The following MRM3 variants were observed in gnomAD, a reference collection of about 807,000 sequenced individuals.
MRM3 encodes the protein rRNA methyltransferase 3, mitochondrial.
Under a neutral mutation model 29.4 loss-of-function variants are expected in MRM3, and 26 were observed. That is an observed-to-expected ratio of 0.89 (90% confidence interval 0.65 to 1.23). The LOEUF (loss-of-function observed/expected upper bound fraction) is 1.23, where lower values mean the gene tolerates loss of function less well. Among genes scored for constraint, MRM3 ranks in the 50% most tolerant of loss-of-function variants. MRM3 has a pLI of 0.00. For missense variants in MRM3, 578 were observed against 540.2 expected (o/e 1.07, Z -0.69); for synonymous variants, 225 against 219.0 (o/e 1.03, Z -0.24).
rs529644382 is a variant in MRM3 at position 788,182 on chromosome 17, C to T, written c.727+50C>T. On this transcript the variant is annotated intron_variant, in intron 3 of 3. Transcript: ENST00000304478. Reference sequence around the variant, plus strand: ...AGTGGCTCACACTCGTAATCCAGCCCTTTGGGAGGCCGAGGCAGGAGGGTC... The same window carrying T: ...AGTGGCTCACACTCGTAATCCAGCCTTTTGGGAGGCCGAGGCAGGAGGGTC... 27 of 1,592,502 alleles carry T rather than the reference C, an allele frequency of 1.7e-5. No homozygotes were observed. The African/African-American group carries it at 2.8e-4, about 17-fold the overall frequency.
Position 791,998 on chromosome 17 carries a change from C to G in MRM3, c.1192C>G (p.Leu398Val). ...SLNSAMAASI[L>V]LFEGKRQLRG... ...CAACTCGGCCATGGCGGCAAGCATCCTGCTTTTCGAAGGGAAAAGACAGCT... is the reference window on the plus strand; with the variant it reads ...CAACTCGGCCATGGCGGCAAGCATCGTGCTTTTCGAAGGGAAAAGACAGCT... The change falls in exon 4 of 4, where the codon CTG becomes GTG. Residue 398 changes from leucine (L) to valine (V), a missense_variant. Physicochemically the swap from Leu to Val is conservative, Grantham distance 32. Transcript: ENST00000304478. 6 of 1,613,926 alleles carry G rather than the reference C, an allele frequency of 3.7e-6. No individual in the cohort carries two copies. The highest frequency in any genetic ancestry group is 5.1e-6 in the Non-Finnish European group (6 of 1,180,014).
chr17:785,192 A>G (rs1319767849), intron 2 of MRM3, among the ~76,000 whole-genome samples: 9 of 152,160 alleles, frequency 5.9e-5, no homozygotes, highest in Admixed American at 1.3e-4. Context: ...AAAGGTTATC[A>G]TTATCACCTC....
chr17:782,939 C>T (rs1910231855), intron 1 of MRM3, 144 bp from the exon 2 acceptor site: 1 of 1,229,952 alleles, frequency 8.1e-7, no homozygotes. Context: ...CCGCCCGCCT[C>T]GGCCTCCCAA....
At chr17:785,418 G>T (rs1049979096) in intron 2 of MRM3, among the ~76,000 whole-genome samples, 1 of 152,050 alleles carries the variant, frequency 6.6e-6, no homozygotes, top group Non-Finnish European at 1.5e-5. Flanking sequence ...ATTATATAAT[G>T]TATATATAAT....
intron 2 of MRM3, among the ~76,000 whole-genome samples, chr17:786,646 T>C (rs1396356359): frequency 6.6e-6 from 1 of 151,974 alleles, no homozygotes; most frequent in Non-Finnish European, 1.5e-5. Context: ...CCTGACCTTG[T>C]GATCCGCCCA....
At chr17:789,919 C>A (rs1027985408) in intron 3 of MRM3, 1 of 152,220 alleles carries the variant, frequency 6.6e-6, no homozygotes, top group Non-Finnish European at 1.5e-5. Flanking sequence ...TTCCCTTCTC[C>A]CCTCCAGGCA....
chr17:786,017 C>T (rs1910514883), intron 2 of MRM3, among the ~76,000 whole-genome samples: 1 of 152,192 alleles, frequency 6.6e-6, no homozygotes, highest in South Asian at 2.1e-4. Flanking sequence ...TAATGGCATG[C>T]TGTTTTTTCT....
At chr17:789,147 A>G (rs1031428671) in intron 3 of MRM3, among the ~76,000 whole-genome samples, 2 of 152,216 alleles carry the variant, frequency 1.3e-5, no homozygotes, top group East Asian at 1.9e-4. Flanking sequence ...TTTTAAAATT[A>G]TCATGAAACC....
chr17:786,367 G>A (rs1457528367), intron 2 of MRM3, among the ~76,000 whole-genome samples: 4 of 152,204 alleles, frequency 2.6e-5, no homozygotes, highest in Non-Finnish European at 2.9e-5. Flanking sequence ...TCCGCCTCCC[G>A]GGTTCACACC....
intron 2 of MRM3, among the ~76,000 whole-genome samples, chr17:786,966 G>A (rs1910562276): frequency 6.6e-6 from 1 of 152,160 alleles, no homozygotes; most frequent in African/African-American, 2.4e-5. Context: ...ATAGAGGCTG[G>A]GCATGGTGGC....
intron 2 of MRM3, among the ~76,000 whole-genome samples, chr17:786,972 G>C (rs1217976749): frequency 1.3e-5 from 2 of 152,136 alleles, no homozygotes; most frequent in African/African-American, 4.8e-5. Flanking sequence ...GCTGGGCATG[G>C]TGGCTCACAA....
chr17:790,158 T>C (rs1910723672), intron 3 of MRM3: 1 of 152,026 alleles, frequency 6.6e-6, no homozygotes, highest in African/African-American at 2.4e-5. Context: ...CGGGGGAGGG[T>C]GGGAGGCCAT....
In MRM3 at chr17:782,587, A is replaced by T; in HGVS notation, c.209A>T (p.Gln70Leu). The change falls in exon 1 of 4, where the codon CAA becomes CTA. Residue 70 changes from glutamine (Q) to leucine (L), a missense_variant. By Grantham distance (113) the Gln-to-Leu change is moderately radical. Coordinates refer to ENST00000304478, the MANE Select transcript of MRM3 (RefSeq NM_018146.4). Reference protein sequence around the residue: ...KAPSEASAQEQREKQPLEESA... With the variant: ...KAPSEASAQELREKQPLEESA... Reference sequence around the variant, plus strand: ...CCATCTGAGGCCAGTGCCCAGGAGCAACGAGAGAAACAACCGCTCGAGGAG... The same window carrying T: ...CCATCTGAGGCCAGTGCCCAGGAGCTACGAGAGAAACAACCGCTCGAGGAG... 6.2e-7 allele frequency: 1 copy of T among 1,614,104 alleles called. No homozygotes were observed. Among genetic ancestry groups the T allele is most frequent in the South Asian group, 1.1e-5 (1 of 91,086 alleles).
chr17:791,658 C>T lies in MRM3; in HGVS notation c.852C>T (p.Val284=). Residue 284 remains valine (V), a synonymous_variant, in exon 4 of 4, where the codon GTC becomes GTT. Transcript: ENST00000304478. ...VPNYLPPDTR[V]YVADNCGLYA... ...ATTACCTGCCCCCTGACACTCGGGT[C>T]TATGTGGCTGACAACTGTGGCCTTT... is the stretch of plus-strand genomic sequence containing the variant. 1 of 1,614,172 alleles carries T rather than the reference C, an allele frequency of 6.2e-7. No individual in the cohort carries two copies. The highest frequency in any genetic ancestry group is 2.2e-5 in the East Asian group (1 of 44,882).
intron 2 of MRM3, 189 bp downstream of exon 2, chr17:783,516 T>C: frequency 2.0e-6 from 1 of 512,678 alleles, no homozygotes; most frequent in Non-Finnish European, 3.3e-6. Context: ...TTTGTATTTT[T>C]AGTAGAGGTG....
chr17:789,641 T>A (rs923075519), intron 3 of MRM3: 1 of 152,208 alleles, frequency 6.6e-6, no homozygotes, highest in African/African-American at 2.4e-5. Context: ...TCTTTCTCAG[T>A]CACGCCTTGC....
intron 3 of MRM3, chr17:790,472 C>T: frequency 5.7e-6 from 1 of 175,560 alleles, no homozygotes; most frequent in South Asian, 8.1e-5. Context: ...GTTGGCCTGC[C>T]CACCTCCCAC....
chr17:785,301 C>T (rs1404271844), intron 2 of MRM3, among the ~76,000 whole-genome samples: 1 of 152,124 alleles, frequency 6.6e-6, no homozygotes, highest in Non-Finnish European at 1.5e-5. Context: ...GTACTCAAAG[C>T]CATTTTTAAT....
At chr17:791,131 T>C (rs1910800647) in intron 3 of MRM3, among the ~76,000 whole-genome samples, 1 of 152,158 alleles carries the variant, frequency 6.6e-6, no homozygotes, top group Non-Finnish European at 1.5e-5. Flanking sequence ...TTAGATGGTT[T>C]TCCTCATCGC....
Sources: gnomAD v4.1 joint callset for allele counts (sites outside exome capture counted in the v4.1 genomes callset) on GRCh38, gnomAD v4.1.1 for gene constraint, MANE v1.5 for transcripts, NCBI Gene and HGNC (gene_info 2026-07-23, HGNC 2026-07-21) for gene names.